ILDR2: variants seen among roughly 807,000 people sequenced by gnomAD.
The protein encoded by ILDR2 is immunoglobulin like domain containing receptor 2, also known as immunoglobulin-like domain-containing receptor 2.
In ILDR2, 25 loss-of-function variants were observed where a neutral mutation model predicts 66.8. That is an observed-to-expected ratio of 0.37 (90% CI 0.27 to 0.52). ILDR2 has a LOEUF of 0.52. Among genes scored for constraint, ILDR2 ranks in the 20% least tolerant of loss-of-function variants. The pLI is 0.88. For missense variants in ILDR2, 827 were observed against 876.8 expected, an observed-to-expected ratio of 0.94 and a Z score of 0.72; for synonymous variants, 367 against 357.2, an observed-to-expected ratio of 1.03 and a Z score of -0.31.
intron 7 of ILDR2, 117 bp downstream of exon 7, chr1:166,926,950 C>T: frequency 1.6e-6 from 1 of 611,134 alleles, no homozygotes; most frequent in Non-Finnish European, 2.8e-6. Context: ...TCACCAGCAC[C>T]CCTGCTAATT....
intron 2 of ILDR2, among the ~76,000 whole-genome samples, chr1:166,897,677 G>T (rs1659195735): frequency 6.6e-6 from 1 of 152,170 alleles, no homozygotes; most frequent in African/African-American, 2.4e-5. Context: ...ACAGTGCTCA[G>T]GTGAGCCTCC....
intron 6 of ILDR2, among the ~76,000 whole-genome samples, chr1:166,934,050 G>A (rs895219126): frequency 1.3e-5 from 2 of 152,118 alleles, no homozygotes; most frequent in Non-Finnish European, 1.5e-5. Context: ...CAACTCCAGC[G>A]GCTCATCTAC....
Position 166,921,471 on chromosome 1 carries a change from C to A in ILDR2, c.1212-92G>T. 1 of 1,085,936 alleles carries A rather than the reference C, an allele frequency of 9.2e-7. No homozygotes were observed. Among genetic ancestry groups the A allele is most frequent in the Non-Finnish European group, 1.3e-6 (1 of 775,596 alleles). The allele number at this position is 1,085,936 out of a possible 1,614,324, so 67.3% of individuals were successfully genotyped here. A position where few individuals can be genotyped will look rare whatever the true frequency, so the allele number is the denominator to read the frequency against. On this transcript the variant is annotated intron_variant, in intron 8 of 9. Coordinates refer to ENST00000271417, the MANE Select transcript of ILDR2 (RefSeq NM_199351.3). This position sits in a 1 kb window ranked among gnomAD's most constrained non-coding sequence, Gnocchi z 5.3. ...GAGCACCCATCGTGTCCTGGGGCCA[C>A]GCTCAGGAGACCTCGGCCTGAGCCT...
chr1:166,897,186 T>C (rs184755184), intron 2 of ILDR2, among the ~76,000 whole-genome samples: 1 of 151,954 alleles, frequency 6.6e-6, no homozygotes, highest in Non-Finnish European at 1.5e-5. Flanking sequence ...TAGTCCACAT[T>C]AGAGCTAATA....
Position 166,926,382 on chromosome 1 carries a change from C to T in ILDR2, c.994+685G>A, listed in dbSNP as rs191175339. Among the ~76,000 whole-genome samples, 29 of 152,128 alleles carry T rather than the reference C, an allele frequency of 1.9e-4. 1 individual carries two copies. The highest frequency in any genetic ancestry group is 1.0e-3 in the South Asian group (5 of 4,812). On this transcript the variant is annotated intron_variant, in intron 7 of 9. Transcript: ENST00000271417. ...TGGGGGTGAGTTAAGGGTTGGGGCC[C>T]GGCCACCTCAGACTTAGTATTCAAA...
downstream of ILDR2, among the ~76,000 whole-genome samples, chr1:166,903,408 T>TCA (rs1267907088): frequency 6.6e-6 from 1 of 152,186 alleles, no homozygotes; most frequent in East Asian, 1.9e-4. Flanking sequence ...GCATGGTTGG[T>TCA]CACTCAAGGG....
chr1:166,907,449 G>T (rs1285595800), downstream of ILDR2, among the ~76,000 whole-genome samples: 4 of 152,166 alleles, frequency 2.6e-5, no homozygotes, highest in African/African-American at 9.7e-5. Context: ...ATGGAACAAT[G>T]AGCACTCTCC....
intron 1 of ILDR2, among the ~76,000 whole-genome samples, chr1:166,964,829 G>A (rs538811553): frequency 6.6e-6 from 1 of 152,308 alleles, no homozygotes; most frequent in South Asian, 2.1e-4. Flanking sequence ...GATGAACTGT[G>A]TTCTTGCAAG....
downstream of ILDR2, among the ~76,000 whole-genome samples, chr1:166,905,327 T>C (rs1441466993): frequency 2.0e-5 from 3 of 152,218 alleles, no homozygotes; most frequent in Non-Finnish European, 2.9e-5. Flanking sequence ...CATTAAATCA[T>C]TTAATACCAC....
intron 1 of ILDR2, among the ~76,000 whole-genome samples, chr1:166,966,131 A>C (rs1428597906): frequency 6.6e-6 from 1 of 152,196 alleles, no homozygotes; most frequent in Admixed American, 6.5e-5. Context: ...CTTGTGTTAA[A>C]AAAAAACCTA....
chr1:166,948,098 G>A (rs1661744587), intron 3 of ILDR2, among the ~76,000 whole-genome samples: 1 of 152,086 alleles, frequency 6.6e-6, no homozygotes, highest in African/African-American at 2.4e-5. Context: ...GGAGATGTAC[G>A]TGCACATACA....
At chr1:166,935,768 G>A (rs1045236614) in intron 5 of ILDR2, among the ~76,000 whole-genome samples, 2 of 152,200 alleles carry the variant, frequency 1.3e-5, no homozygotes, top group Admixed American at 1.3e-4. Context: ...CCCAGTGACA[G>A]CAGCAGCCCA....
At chr1:166,943,814 A>G (rs992367238) in intron 3 of ILDR2, 4 of 985,194 alleles carry the variant, frequency 4.1e-6, no homozygotes, top group Non-Finnish European at 3.6e-6. Context: ...GATTCAGTTT[A>G]AGAGTGGCAA....
At chr1:166,943,169 T>C (rs1416278284) in intron 3 of ILDR2, among the ~76,000 whole-genome samples, 1 of 152,080 alleles carries the variant, frequency 6.6e-6, no homozygotes, top group African/African-American at 2.4e-5. Flanking sequence ...AATACCAATA[T>C]ATCATGTCAA....
In ILDR2 at chr1:166,921,302, A is replaced by C; in HGVS notation, c.1289T>G (p.Leu430Arg). 1 of 1,596,160 alleles carries C rather than the reference A, an allele frequency of 6.3e-7. No individual in the cohort carries two copies. Residue 430 changes from leucine to arginine, a missense_variant, in exon 9 of 10, where the codon CTG becomes CGG. Coordinates refer to ENST00000271417, the MANE Select transcript of ILDR2 (RefSeq NM_199351.3). This position sits in a 1 kb window ranked among gnomAD's most constrained non-coding sequence, Gnocchi z 5.3. ...TGVPAVSMDE[L>R]AAFADSYGQR... is the part of the protein sequence containing the mutation. ...GCCGTAGGAGTCAGCGAAGGCCGCC[A>C]GCTCGTCCATGGAAACGGCCGGCAC...
intron 6 of ILDR2, among the ~76,000 whole-genome samples, chr1:166,929,951 A>G (rs1179677219): frequency 6.6e-6 from 1 of 152,138 alleles, no homozygotes. Flanking sequence ...GGCCTACCCT[A>G]CCTGGAGCTG....
intron 1 of ILDR2, among the ~76,000 whole-genome samples, chr1:166,970,907 T>C (rs1663252505): frequency 6.6e-6 from 1 of 152,006 alleles, no homozygotes; most frequent in Admixed American, 6.6e-5. Flanking sequence ...GAAGAGAAAT[T>C]GGAAGATATA....
In ILDR2 at chr1:166,945,785, A is replaced by C. The variant is rs533304134; in HGVS notation, c.500-6215T>G. Among the ~76,000 whole-genome samples, 12 of 152,340 alleles carry C rather than the reference A, an allele frequency of 7.9e-5. 1 individual carries two copies. In the South Asian group the frequency reaches 1.9e-3, roughly 24 times the overall value. Reference sequence around the variant, plus strand: ...TTATCTTTATGACACCACTGCTGACAGCAGAGTTACCTCCATTTCTTTAAA... The same window carrying C: ...TTATCTTTATGACACCACTGCTGACCGCAGAGTTACCTCCATTTCTTTAAA... On this transcript the variant is annotated intron_variant, in intron 3 of 9. Coordinates refer to ENST00000271417, the MANE Select transcript of ILDR2 (RefSeq NM_199351.3).
intron 3 of ILDR2, among the ~76,000 whole-genome samples, chr1:166,948,336 ACT>A (rs1284186160): frequency 6.6e-6 from 1 of 152,024 alleles, no homozygotes; most frequent in Non-Finnish European, 1.5e-5. Context: ...CCCCCTTTTC[ACT>A]CTCAAGAGTA....
Sources: gnomAD v4.1 joint callset for allele counts (sites outside exome capture counted in the v4.1 genomes callset) on GRCh38, gnomAD v4.1.1 for gene constraint, Gnocchi (gnomAD v3.1) non-coding constraint, MANE v1.5 for transcripts, NCBI Gene and HGNC (gene_info 2026-07-23, HGNC 2026-07-21) for gene names.